Variants in RHOU observed in about 807,000 individuals in gnomAD.
RHOU encodes rho-related GTP-binding protein RhoU.
Under a neutral mutation model 12.6 loss-of-function variants are expected in RHOU, and 8 were observed. The ratio of observed to expected loss-of-function variants is 0.64; its 90% CI spans 0.37 to 1.15. The LOEUF (loss-of-function observed/expected upper bound fraction) is 1.15. RHOU is among the 50% of genes most tolerant of loss of function. RHOU has a pLI of 0.01. For missense variants in RHOU, 258 were observed against 347.0 expected, an observed-to-expected ratio of 0.74 and a Z score of 2.04; for synonymous variants, 161 against 147.4, an observed-to-expected ratio of 1.09 and a Z score of -0.67.
the RHOU span, among the ~76,000 whole-genome samples, chr1:228,727,288 T>C: frequency 3.9e-5 from 6 of 152,158 alleles, no homozygotes; most frequent in Non-Finnish European, 7.4e-5. Context: ...CTTGATGCAG[T>C]AGACACTCAT....
upstream of RHOU, among the ~76,000 whole-genome samples, chr1:228,730,650 G>A (rs578025828): frequency 6.6e-6 from 1 of 152,202 alleles, no homozygotes; most frequent in Non-Finnish European, 1.5e-5. Context: ...TCCAGTTCTA[G>A]AGAAATATTC....
chr1:228,686,930 G>A, the RHOU span, among the ~76,000 whole-genome samples: 2 of 151,910 alleles, frequency 1.3e-5, no homozygotes, highest in Non-Finnish European at 2.9e-5. Flanking sequence ...AGTAGAGAGG[G>A]GATTTCACCA....
chr1:228,677,271 C>T, the RHOU span, among the ~76,000 whole-genome samples: 271 of 152,018 alleles, frequency 1.8e-3, 1 homozygote, highest in African/African-American at 6.1e-3. Context: ...AGAAACTAAA[C>T]GAAAGACACA....
At chr1:228,719,244 A>T in the RHOU span, among the ~76,000 whole-genome samples, 3 of 152,230 alleles carry the variant, frequency 2.0e-5, no homozygotes, top group Non-Finnish European at 4.4e-5. Context: ...CAATCCATGC[A>T]TTCATCCAAT....
the RHOU span, among the ~76,000 whole-genome samples, chr1:228,707,521 C>T: frequency 1.3e-5 from 2 of 151,846 alleles, no homozygotes; most frequent in Non-Finnish European, 2.9e-5. Flanking sequence ...AGCAGCCTAA[C>T]TGGGAGGCAC....
chr1:228,670,351 A>G, the RHOU span, among the ~76,000 whole-genome samples: 1 of 152,246 alleles, frequency 6.6e-6, no homozygotes, highest in Non-Finnish European at 1.5e-5. Flanking sequence ...CTAGCTGGGC[A>G]GTTGCCCAGA....
At chr1:228,695,970 A>G in the RHOU span, among the ~76,000 whole-genome samples, 1 of 152,230 alleles carries the variant, frequency 6.6e-6, no homozygotes, top group Non-Finnish European at 1.5e-5. Context: ...GCCATCAGTC[A>G]ACTCATTAGC....
chr1:228,694,624 C>T, the RHOU span, among the ~76,000 whole-genome samples: 3 of 152,184 alleles, frequency 2.0e-5, no homozygotes, highest in African/African-American at 4.8e-5. Flanking sequence ...CTTCCAACTC[C>T]ATTCACATCC....
chr1:228,648,047 C>T, the RHOU span: 1 of 152,308 alleles, frequency 6.6e-6, no homozygotes, highest in African/African-American at 2.4e-5. Flanking sequence ...GTAGTGCAGC[C>T]TGTCTGCCCC....
chr1:228,700,257 AT>A, the RHOU span, among the ~76,000 whole-genome samples: 1 of 152,238 alleles, frequency 6.6e-6, no homozygotes, highest in Non-Finnish European at 1.5e-5. Flanking sequence ...AATGGAGTTC[AT>A]TTAAACTGCA....
At chr1:228,679,808 G>A in the RHOU span, among the ~76,000 whole-genome samples, 30 of 152,036 alleles carry the variant, frequency 2.0e-4, no homozygotes, top group Admixed American at 1.3e-4. Flanking sequence ...AGTAGAGGTG[G>A]ATTAAGGTGG....
At chr1:228,649,272 T>G in the RHOU span, among the ~76,000 whole-genome samples, 3 of 152,228 alleles carry the variant, frequency 2.0e-5, no homozygotes, top group African/African-American at 7.2e-5. Context: ...GCACACACTC[T>G]TCCTTTGTCT....
the RHOU span, among the ~76,000 whole-genome samples, chr1:228,694,139 G>C: frequency 1.3e-5 from 2 of 152,216 alleles, no homozygotes; most frequent in East Asian, 3.9e-4. Context: ...ACAGCTCAGA[G>C]CAATATTATT....
At chr1:228,741,204 T>C (rs1451434197) in intron 2 of RHOU, among the ~76,000 whole-genome samples, 1 of 152,216 alleles carries the variant, frequency 6.6e-6, no homozygotes, top group Non-Finnish European at 1.5e-5. Context: ...ACCACAGACC[T>C]GGCAAGCACA....
the RHOU span, among the ~76,000 whole-genome samples, chr1:228,712,927 G>T: frequency 6.6e-6 from 1 of 151,478 alleles, no homozygotes; most frequent in East Asian, 1.9e-4. Context: ...ATACTGCCAG[G>T]GTCTGCCTGA....
the RHOU span, among the ~76,000 whole-genome samples, chr1:228,646,865 G>T: frequency 2.6e-5 from 4 of 151,980 alleles, no homozygotes; most frequent in African/African-American, 4.8e-5. Flanking sequence ...GGAGAAGATG[G>T]ATGGAGAGAT....
chr1:228,647,583 G>A, the RHOU span, among the ~76,000 whole-genome samples: 2 of 152,230 alleles, frequency 1.3e-5, no homozygotes, highest in African/African-American at 4.8e-5. Flanking sequence ...CCTTCCCCCG[G>A]TTTATAAGGT....
the RHOU span, among the ~76,000 whole-genome samples, chr1:228,720,898 TA>T: frequency 6.6e-6 from 1 of 152,040 alleles, no homozygotes; most frequent in African/African-American, 2.4e-5. Context: ...AGGGAAATAA[TA>T]AATATTAACC....
At chr1:228,662,108 T>A in the RHOU span, among the ~76,000 whole-genome samples, 527 of 152,238 alleles carry the variant, frequency 3.5e-3, 1 homozygote, top group African/African-American at 0.011. Flanking sequence ...ATCAGAGAAA[T>A]GCAAATCAAA....
Sources: gnomAD v4.1 joint callset for allele counts (sites outside exome capture counted in the v4.1 genomes callset) on GRCh38, gnomAD v4.1.1 for gene constraint, MANE v1.5 for transcripts, NCBI Gene and HGNC (gene_info 2026-07-23, HGNC 2026-07-21) for gene names.